SLC9D1: variants seen among roughly 807,000 people sequenced by gnomAD.
The protein encoded by SLC9D1 is solute carrier family 9 member D1.
the SLC9D1 span, among the ~76,000 whole-genome samples, chr13:113,543,733 A>C: frequency 0.75 from 111,622 of 148,968 alleles, 42,742 homozygotes; most frequent in African/African-American, 0.9. Context: ...GGCTTTGTTG[A>C]GTGTGCATGT....
chr13:113,498,472 A>G, the SLC9D1 span: 2 of 1,594,072 alleles, frequency 1.3e-6, no homozygotes, highest in South Asian at 1.2e-5. Flanking sequence ...AAGGCAGCGG[A>G]TCGTCTGGAG....
the SLC9D1 span, among the ~76,000 whole-genome samples, chr13:113,497,728 G>A: frequency 4.6e-5 from 7 of 152,236 alleles, no homozygotes; most frequent in Non-Finnish European, 8.8e-5. Context: ...AGTAATTGAG[G>A]CGATGATGTT....
At chr13:113,520,539 G>T in the SLC9D1 span, 7 of 890,180 alleles carry the variant, frequency 7.9e-6, no homozygotes, top group Non-Finnish European at 1.2e-5. Context: ...TTTTGGAAGT[G>T]TGTACAATGG....
the SLC9D1 span, among the ~76,000 whole-genome samples, chr13:113,507,120 G>A: frequency 6.6e-6 from 1 of 152,022 alleles, no homozygotes; most frequent in African/African-American, 2.4e-5. Flanking sequence ...TGGGATGTGC[G>A]GGTGTCTTGG....
the SLC9D1 span, chr13:113,501,710 T>A: frequency 6.4e-7 from 1 of 1,556,272 alleles, no homozygotes; most frequent in Non-Finnish European, 8.8e-7. Flanking sequence ...TTCTTACCAC[T>A]GTTATCTTAT....
the SLC9D1 span, among the ~76,000 whole-genome samples, chr13:113,522,614 A>G: frequency 6.6e-6 from 1 of 152,136 alleles, no homozygotes; most frequent in African/African-American, 2.4e-5. Flanking sequence ...TGCTGGGATT[A>G]TAGGCGTGAG....
the SLC9D1 span, chr13:113,534,266 A>G: frequency 2.6e-6 from 4 of 1,528,056 alleles, no homozygotes; most frequent in Non-Finnish European, 2.7e-6. Flanking sequence ...TGTGTTATTT[A>G]TGTAATCTGA....
chr13:113,513,731 A>G, the SLC9D1 span, among the ~76,000 whole-genome samples: 10 of 152,224 alleles, frequency 6.6e-5, no homozygotes, highest in African/African-American at 2.4e-4. Context: ...CTCCATTCAT[A>G]AAGATGTCAC....
chr13:113,493,804 C>CT, the SLC9D1 span, among the ~76,000 whole-genome samples: 7,808 of 152,270 alleles, frequency 0.051, 287 homozygotes, highest in Non-Finnish European at 0.078. Context: ...GTACTGTTGT[C>CT]TAACACAGTA....
the SLC9D1 span, among the ~76,000 whole-genome samples, chr13:113,522,619 C>T: frequency 6.6e-6 from 1 of 152,206 alleles, no homozygotes; most frequent in South Asian, 2.1e-4. Context: ...GGATTATAGG[C>T]GTGAGCAACC....
chr13:113,523,941 C>G, the SLC9D1 span, among the ~76,000 whole-genome samples: 2 of 152,030 alleles, frequency 1.3e-5, no homozygotes, highest in Non-Finnish European at 2.9e-5. Context: ...CTTTCTGTTA[C>G]TGATTTGTAG....
At chr13:113,520,708 C>G in the SLC9D1 span, 3 of 1,613,726 alleles carry the variant, frequency 1.9e-6, no homozygotes, top group Non-Finnish European at 2.5e-6. Flanking sequence ...GACTCTCATA[C>G]AGGCGGGCGC....
At chr13:113,508,487 A>G in the SLC9D1 span, among the ~76,000 whole-genome samples, 65,934 of 152,122 alleles carry the variant, frequency 0.43, 16,781 homozygotes, top group African/African-American at 0.71. Context: ...TAACCATCAC[A>G]ATTGCCAAGC....
chr13:113,511,293 C>T, the SLC9D1 span, among the ~76,000 whole-genome samples: 1 of 152,346 alleles, frequency 6.6e-6, no homozygotes, highest in South Asian at 2.1e-4. Context: ...CTGCACAGAA[C>T]ACACAGGCAT....
At chr13:113,491,755 C>T in the SLC9D1 span, among the ~76,000 whole-genome samples, 1 of 152,218 alleles carries the variant, frequency 6.6e-6, no homozygotes, top group Non-Finnish European at 1.5e-5. Flanking sequence ...AGAGATGCAG[C>T]CCTGTCCCTG....
the SLC9D1 span, chr13:113,529,183 G>A: frequency 6.6e-6 from 1 of 152,124 alleles, no homozygotes; most frequent in Non-Finnish European, 1.5e-5. Flanking sequence ...AATTAATGCA[G>A]TACAGGTATT....
chr13:113,543,166 GTCCGGA>G, the SLC9D1 span, among the ~76,000 whole-genome samples: 1 of 46,842 alleles, frequency 2.1e-5, no homozygotes, highest in African/African-American at 1.4e-4. Flanking sequence ...CCCTACCTCT[GTCCGGA>G]CCCCACCTCC....
At chr13:113,542,611 T>A in the SLC9D1 span, among the ~76,000 whole-genome samples, 24,911 of 152,042 alleles carry the variant, frequency 0.16, 2,317 homozygotes, top group Admixed American at 0.27. Flanking sequence ...CTGAGCACAG[T>A]GAGATGGGCC....
the SLC9D1 span, chr13:113,548,449 G>A: frequency 8.7e-6 from 14 of 1,603,508 alleles, no homozygotes; most frequent in Non-Finnish European, 1.2e-5. Flanking sequence ...TCATCTCTCG[G>A]GAGGTGAGTG....
Sources: gnomAD v4.1 joint callset for allele counts (sites outside exome capture counted in the v4.1 genomes callset) on GRCh38, gnomAD v4.1.1 for gene constraint, MANE v1.5 for transcripts, NCBI Gene and HGNC (gene_info 2026-07-23, HGNC 2026-07-21) for gene names.